The following PDE4B variants were observed in gnomAD, a reference collection of about 807,000 sequenced individuals.
The protein encoded by PDE4B is phosphodiesterase 4B, also known as 3',5'-cyclic-AMP phosphodiesterase 4B.
Under a neutral mutation model 82.2 loss-of-function variants are expected in PDE4B, and 20 were observed. That is an observed-to-expected ratio of 0.24 (90% confidence interval 0.17 to 0.35). The LOEUF (loss-of-function observed/expected upper bound fraction) is 0.35. PDE4B is among the 10% of genes least tolerant of loss of function. The pLI, the probability that PDE4B is intolerant of heterozygous loss-of-function variation, is 1.00. For missense variants in PDE4B, 655 were observed against 907.2 expected, an observed-to-expected ratio of 0.72 and a Z score of 3.57; for synonymous variants, 320 against 318.9, an observed-to-expected ratio of 1.00 and a Z score of -0.04.
intron 3 of PDE4B, among the ~76,000 whole-genome samples, chr1:66,087,697 G>A (rs542131389): frequency 6.6e-6 from 1 of 152,106 alleles, no homozygotes; most frequent in Admixed American, 6.6e-5. Context: ...TATAAAAAAT[G>A]ATGAGTTCAT....
chr1:65,957,370 G>C (rs1649315097), intron 3 of PDE4B, among the ~76,000 whole-genome samples: 1 of 151,934 alleles, frequency 6.6e-6, no homozygotes, highest in Non-Finnish European at 1.5e-5. Flanking sequence ...CCAATGCCAT[G>C]TCTGTTACAC....
At chr1:66,329,328 C>T (rs778342875) in intron 7 of PDE4B, among the ~76,000 whole-genome samples, 2 of 151,912 alleles carry the variant, frequency 1.3e-5, no homozygotes, top group African/African-American at 2.4e-5. Flanking sequence ...GCAATTTTTC[C>T]GTCAGTCTGA....
At chr1:66,120,319 G>A (rs373002967) in intron 3 of PDE4B, among the ~76,000 whole-genome samples, 6 of 150,260 alleles carry the variant, frequency 4.0e-5, no homozygotes, top group African/African-American at 1.5e-4. Context: ...TTTGGATGGG[G>A]TATGCCTAGG....
chr1:65,962,062 G>C (rs1330787345), intron 3 of PDE4B, among the ~76,000 whole-genome samples: 1 of 152,112 alleles, frequency 6.6e-6, no homozygotes, highest in East Asian at 1.9e-4. Context: ...GAGCATCATA[G>C]CTTAGCCCAG....
At chr1:66,262,852 C>A (rs1654785327) in intron 6 of PDE4B, among the ~76,000 whole-genome samples, 1 of 152,112 alleles carries the variant, frequency 6.6e-6, no homozygotes, top group African/African-American at 2.4e-5. Context: ...ACTTCTGAGA[C>A]AAAAGAATTT....
At chr1:66,053,756 GGCT>G (rs1655158258) in intron 3 of PDE4B, among the ~76,000 whole-genome samples, 3 of 152,296 alleles carry the variant, frequency 2.0e-5, no homozygotes, top group African/African-American at 7.2e-5. Context: ...CTACTTGGGA[GGCT>G]GAGGCAGGAG....
At chr1:66,005,876 G>A (rs1179821165) in intron 3 of PDE4B, among the ~76,000 whole-genome samples, 1 of 152,146 alleles carries the variant, frequency 6.6e-6, no homozygotes, top group Non-Finnish European at 1.5e-5. Flanking sequence ...TGCCCACGGA[G>A]CACATATGCA....
rs550383883 is a variant in PDE4B, at chr1:65,944,708, G to A, written c.281+25873G>A. Among the ~76,000 whole-genome samples, 25 of 152,024 alleles carry A rather than the reference G, an allele frequency of 1.6e-4. No homozygotes were observed. The South Asian group carries it at 5.0e-3, about 30-fold the overall frequency. Reference sequence around the variant, plus strand: ...ACAAGATCAGAGACAGGAAAAAGAAGCAATTAAGCATACTGCAGGTAAGTC... The same window carrying A: ...ACAAGATCAGAGACAGGAAAAAGAAACAATTAAGCATACTGCAGGTAAGTC... On this transcript the variant is annotated intron_variant, in intron 3 of 16. Transcript: ENST00000341517.
chr1:65,907,964 G>A (rs1647046230), intron 1 of PDE4B, among the ~76,000 whole-genome samples: 1 of 152,122 alleles, frequency 6.6e-6, no homozygotes, highest in Non-Finnish European at 1.5e-5. Flanking sequence ...CTCGCTCTGA[G>A]GCAGAGGCAG....
At chr1:66,002,155 GT>G (rs1043299196) in intron 3 of PDE4B, among the ~76,000 whole-genome samples, 4 of 151,866 alleles carry the variant, frequency 2.6e-5, no homozygotes, top group Non-Finnish European at 4.4e-5. Context: ...GTATTGTCAA[GT>G]TTTTTTTAAA....
intron 3 of PDE4B, among the ~76,000 whole-genome samples, chr1:66,171,893 G>A (rs1272500818): frequency 1.3e-5 from 2 of 152,138 alleles, no homozygotes; most frequent in Admixed American, 1.3e-4. Flanking sequence ...AGATGTAAAA[G>A]TACTTAGCGC....
At chr1:65,959,540 A>G (rs1183991184) in intron 3 of PDE4B, among the ~76,000 whole-genome samples, 1 of 148,852 alleles carries the variant, frequency 6.7e-6, no homozygotes, top group Admixed American at 6.7e-5. Flanking sequence ...CAAAAATAAT[A>G]TTAACATTAA....
intron 1 of PDE4B, among the ~76,000 whole-genome samples, chr1:65,879,323 T>C (rs1646684823): frequency 6.6e-6 from 1 of 152,196 alleles, no homozygotes; most frequent in African/African-American, 2.4e-5. Context: ...TTTCTGATAT[T>C]TATAAGATTT....
chr1:66,335,855 C>T (rs1004040266), intron 8 of PDE4B, among the ~76,000 whole-genome samples: 1 of 152,182 alleles, frequency 6.6e-6, no homozygotes, highest in Non-Finnish European at 1.5e-5. Context: ...CAACAGATTG[C>T]CTTCTTAGAA....
chr1:65,925,229 G>A (rs1168500336), intron 3 of PDE4B, among the ~76,000 whole-genome samples: 1 of 151,986 alleles, frequency 6.6e-6, no homozygotes, highest in East Asian at 1.9e-4. Context: ...TGCATGCTGG[G>A]CTTAATACCT....
rs113916055 is a variant in PDE4B, at chr1:66,210,834, A to G, written c.282-36626A>G. Among the ~76,000 whole-genome samples the G allele has an allele frequency of 3.3e-5, 5 of 152,208 alleles. 1 individual carries two copies. The highest frequency in any genetic ancestry group is 1.2e-4 in the African/African-American group (5 of 41,538). On this transcript the variant is annotated intron_variant, in intron 3 of 16. Transcript: ENST00000341517. ...TGTCACAGCTACTGACATTAGACTC[A>G]TCGTTTCTGCTCCTGATCATAAGAC...
chr1:66,262,820 T>C (rs1654780726), intron 6 of PDE4B, among the ~76,000 whole-genome samples: 1 of 152,214 alleles, frequency 6.6e-6, no homozygotes, highest in Non-Finnish European at 1.5e-5. Context: ...CAACTCTAAA[T>C]AAAGCCATAT....
intron 3 of PDE4B, among the ~76,000 whole-genome samples, chr1:66,218,955 C>T (rs1650737719): frequency 6.6e-6 from 1 of 152,180 alleles, no homozygotes; most frequent in South Asian, 2.1e-4. Flanking sequence ...ATGTTCTCAT[C>T]GCATTTACTA....
At chr1:66,099,543 AT>A (rs1186143412) in intron 3 of PDE4B, among the ~76,000 whole-genome samples, 1 of 152,044 alleles carries the variant, frequency 6.6e-6, no homozygotes, top group African/African-American at 2.4e-5. Context: ...TGTCATTTTG[AT>A]TTTTAATGGA....
Sources: gnomAD v4.1 joint callset for allele counts (sites outside exome capture counted in the v4.1 genomes callset) on GRCh38, gnomAD v4.1.1 for gene constraint, MANE v1.5 for transcripts, NCBI Gene and HGNC (gene_info 2026-07-23, HGNC 2026-07-21) for gene names.